The following CYP4F2 variants were observed in gnomAD, a reference collection of about 807,000 sequenced individuals.
CYP4F2 encodes cytochrome P450 family 4 subfamily F member 2.
A neutral mutation model predicts 58.9 loss-of-function variants in CYP4F2; 58 were observed. The observed-to-expected ratio is 0.98, with a 90% confidence interval of 0.80 to 1.23. The LOEUF (loss-of-function observed/expected upper bound fraction) is 1.23, where lower values mean the gene tolerates loss of function less well. CYP4F2 is among the 50% of genes most tolerant of loss of function. The probability of loss-of-function intolerance (pLI) is 0.00; values close to 1 mark genes in which losing one functional copy is unlikely to be tolerated. For missense variants in CYP4F2, 616 were observed against 685.6 expected (o/e 0.90, Z 1.13); for synonymous variants, 287 against 261.1 (o/e 1.10, Z -0.95).
chr19:15,886,425 A>C, intron 7 of CYP4F2, 117 bp from the exon 8 acceptor site: 9 of 1,351,950 alleles, frequency 6.7e-6, no homozygotes, highest in Non-Finnish European at 9.3e-6. Context: ...TTTTCCAGAA[A>C]TCCAAGTCCA....
At chr19:15,879,246 G>A (rs1296071221) in intron 12 of CYP4F2, 100 bp downstream of exon 12, 23 of 1,470,684 alleles carry the variant, frequency 1.6e-5, no homozygotes, top group Non-Finnish European at 2.1e-5. Flanking sequence ...AAAGAGAGCT[G>A]GAACTTGGAC....
chr19:15,886,114 C>G, intron 8 of CYP4F2, 61 bp from the exon 9 acceptor site: 1 of 1,605,278 alleles, frequency 6.2e-7, no homozygotes, highest in Admixed American at 1.7e-5. Context: ...AGGTAGACAG[C>G]ACCCATGCAT....
At chr19:15,882,848 A>T (rs2089353666) in intron 9 of CYP4F2, among the ~76,000 whole-genome samples, 1 of 152,264 alleles carries the variant, frequency 6.6e-6, no homozygotes, top group African/African-American at 2.4e-5. Flanking sequence ...GTATGTGTTC[A>T]TATAAATAAA....
Position 15,878,671 on chromosome 19 carries a change from G to T in CYP4F2, c.*100C>A. On this transcript the variant is annotated 3_prime_UTR_variant, in exon 13 of 13. Transcript: ENST00000221700. ...TTATTTTGAGTAGATATCTAGGATGGAATACAGGACTGTGGAACAGGGTCT... is the reference window on the plus strand; with the variant it reads ...TTATTTTGAGTAGATATCTAGGATGTAATACAGGACTGTGGAACAGGGTCT... The T allele has an allele frequency of 6.9e-7, 1 of 1,450,806 alleles. No homozygotes were observed. The highest frequency in any genetic ancestry group is 9.2e-7 in the Non-Finnish European group (1 of 1,081,154). The allele number at this position is 1,450,806 out of a possible 1,614,324, so 89.9% of individuals were successfully genotyped here. A position where few individuals can be genotyped will look rare whatever the true frequency, so the allele number is the denominator to read the frequency against.
chr19:15,879,337 C>G lies in CYP4F2; in HGVS notation c.1397+9G>C. On this transcript the variant is annotated intron_variant, in intron 12 of 12. Coordinates refer to ENST00000221700, the MANE Select transcript of CYP4F2 (RefSeq NM_001082.5). ...ACCCGTTCCCACCTCAGACACAGGC[C>G]GCCCTTACCTGGGCCCTGCCGAGAA... is the stretch of plus-strand genomic sequence containing the variant. 2 of 1,614,032 alleles carry G rather than the reference C, an allele frequency of 1.2e-6. No individual in the cohort carries two copies. Among genetic ancestry groups the G allele is most frequent in the Non-Finnish European group, 1.7e-6 (2 of 1,179,934 alleles).
At chr19:15,887,645 C>G (rs1048378699) in intron 7 of CYP4F2, among the ~76,000 whole-genome samples, 1 of 151,264 alleles carries the variant, frequency 6.6e-6, no homozygotes, top group Non-Finnish European at 1.5e-5. Context: ...GACTTAGAAA[C>G]ATGGACACAC....
rs777994897 is a variant in CYP4F2, at chr19:15,879,865, A to G, written c.1148T>C (p.Met383Thr). The change falls in exon 10 of 13, where the codon ATG becomes ACG. Residue 383 changes from methionine to threonine, a missense_variant. Physicochemically the swap from Met to Thr is moderately conservative, Grantham distance 81. Coordinates refer to ENST00000221700, the MANE Select transcript of CYP4F2 (RefSeq NM_001082.5). ...DDLAHLPFLT[M>T]CMKESLRLHP... is the part of the protein sequence containing the mutation. ...CAGCCGCAGGCTCTCCTTCATGCAC[A>G]TGGTCAGGAAGGGCAAATGGGCCAG... 8.7e-6 allele frequency: 14 copies of G among 1,614,156 alleles called. No homozygotes were observed. The Admixed American group carries it at 1.0e-4, about 12-fold the overall frequency.
In CYP4F2 at chr19:15,885,913, C is replaced by T. The variant is rs2089374869; in HGVS notation, c.1115+11G>A. ...AGGTCTCAGGAAGAGGCCACAAGCA[C>T]CTGCACTCACCATTCAATCTCTTTA... On this transcript the variant is annotated intron_variant, in intron 9 of 12. Transcript: ENST00000221700. 3.7e-6 allele frequency: 6 copies of T among 1,612,286 alleles called. No homozygotes were observed. Among genetic ancestry groups the T allele is most frequent in the Non-Finnish European group, 5.1e-6 (6 of 1,178,944 alleles).
At chr19:15,883,146 A>G (rs2089355347) in intron 9 of CYP4F2, among the ~76,000 whole-genome samples, 2 of 152,234 alleles carry the variant, frequency 1.3e-5, no homozygotes, top group South Asian at 4.1e-4. Flanking sequence ...GCTTCTGCAC[A>G]GCAAAGGAAA....
Position 15,895,531 on chromosome 19 carries a change from G to A in CYP4F2, c.318C>T (p.Ile106=). Residue 106 remains isoleucine (I), a synonymous_variant, in exon 3 of 13, where the codon ATC becomes ATT. Coordinates refer to ENST00000221700, the MANE Select transcript of CYP4F2 (RefSeq NM_001082.5). Reference sequence around the variant, plus strand: ...CTGAGGCGTTGATGACAGACCGGATGATGTCGGGGTGGCACAAACTGAGGA... The same window carrying A: ...CTGAGGCGTTGATGACAGACCGGATAATGTCGGGGTGGCACAAACTGAGGA... ...SPLLSLCHPD[I]IRSVINASAA... 2 of 1,539,850 alleles carry A rather than the reference G, an allele frequency of 1.3e-6. No individual in the cohort carries two copies. Among genetic ancestry groups the A allele is most frequent in the South Asian group, 2.5e-5 (2 of 78,930 alleles).
chr19:15,892,378 C>T lies in CYP4F2; in HGVS notation c.456G>A (p.Thr152=), dbSNP rs370785925. The T allele has an allele frequency of 2.6e-5, 42 of 1,614,038 alleles. No homozygotes were observed. The highest frequency in any genetic ancestry group is 2.0e-4 in the Admixed American group (12 of 60,010). ...DKWSRHRRML[T]PAFHFNILKP... ...TCAGGATGTTGAAATGGAAGGCAGG[C>T]GTCAGCATCCGACGGTGGCGGCTCC... The change falls in exon 5 of 13, where the codon ACG becomes ACA. Residue 152 remains threonine, a synonymous_variant. Transcript: ENST00000221700.
At chr19:15,891,793 G>A (rs901149666) in intron 5 of CYP4F2, among the ~76,000 whole-genome samples, 5 of 152,132 alleles carry the variant, frequency 3.3e-5, no homozygotes, top group South Asian at 4.1e-4. Context: ...ACCTAGACAC[G>A]TGAGAGAACC....
chr19:15,889,336 C>T (rs2089401628), intron 7 of CYP4F2, 87 bp downstream of exon 7: 1 of 1,607,218 alleles, frequency 6.2e-7, no homozygotes. Context: ...TCCCTAGTGC[C>T]CTCTTAATCA....
chr19:15,881,345 AATAT>A (rs752163420), intron 9 of CYP4F2, among the ~76,000 whole-genome samples: 25 of 152,364 alleles, frequency 1.6e-4, no homozygotes, highest in East Asian at 1.5e-3. Context: ...ACAAGTTACA[AATAT>A]ATACATTTGT....
chr19:15,886,168 T>C (rs1404046162), intron 8 of CYP4F2, 74 bp downstream of exon 8: 15 of 1,609,892 alleles, frequency 9.3e-6, no homozygotes, highest in Non-Finnish European at 1.2e-5. Flanking sequence ...GGGAAGGTTG[T>C]GGGGGTCTAC....
chr19:15,888,158 A>G (rs947724371), intron 7 of CYP4F2, among the ~76,000 whole-genome samples: 1 of 152,226 alleles, frequency 6.6e-6, no homozygotes, highest in Non-Finnish European at 1.5e-5. Flanking sequence ...TTAGAAACAC[A>G]GACACACAAA....
chr19:15,892,214 A>T (rs2089420098), intron 5 of CYP4F2, 95 bp downstream of exon 5: 1 of 1,568,870 alleles, frequency 6.4e-7, no homozygotes, highest in African/African-American at 1.4e-5. Flanking sequence ...GCAATGGCCC[A>T]ATGGCACCCA....
rs777167655 is a variant in CYP4F2, at chr19:15,892,429, C to T, written c.405G>A (p.Gly135=). 1.2e-6 allele frequency: 2 copies of T among 1,614,096 alleles called. No homozygotes were observed. The highest frequency in any genetic ancestry group is 1.3e-5 in the African/African-American group (1 of 74,942). Residue 135 remains glycine (G), a synonymous_variant, in exon 5 of 13, where the codon GGG becomes GGA. Coordinates refer to ENST00000221700, the MANE Select transcript of CYP4F2 (RefSeq NM_001082.5). The part of the protein sequence containing the change: ...YSFLEPWLGD[G]LLLSAGDKWS... ...ACTTGTCACCAGCACTCAGCAGGAG[C>T]CCATCCCCTAGCAGGGCAGCCAAGG...
At chr19:15,892,912 G>A (rs1435535608) in intron 3 of CYP4F2, among the ~76,000 whole-genome samples, 1 of 152,154 alleles carries the variant, frequency 6.6e-6, no homozygotes, top group East Asian at 1.9e-4. Context: ...TGCTTCACAA[G>A]GACCTAGGAC....
Sources: gnomAD v4.1 joint callset for allele counts (sites outside exome capture counted in the v4.1 genomes callset) on GRCh38, gnomAD v4.1.1 for gene constraint, MANE v1.5 for transcripts, NCBI Gene and HGNC (gene_info 2026-07-23, HGNC 2026-07-21) for gene names.